Variants in PDGFC observed in about 807,000 individuals in gnomAD.
PDGFC encodes platelet-derived growth factor C.
A neutral mutation model predicts 35.5 loss-of-function variants in PDGFC; 12 were observed. That is an observed-to-expected ratio of 0.34 (90% CI 0.22 to 0.55). PDGFC has a LOEUF of 0.55. Ranked by LOEUF, PDGFC falls within the 20% of genes least tolerant of loss-of-function variation. The probability of loss-of-function intolerance (pLI) is 0.91; values close to 1 mark genes in which losing one functional copy is unlikely to be tolerated. For synonymous variants in PDGFC, 159 were observed against 148.8 expected (o/e 1.07, Z -0.50); for missense variants, 322 against 412.4 (o/e 0.78, Z 1.90).
At chr4:156,849,074 G>A (rs1421368479) in intron 2 of PDGFC, among the ~76,000 whole-genome samples, 1 of 151,960 alleles carries the variant, frequency 6.6e-6, no homozygotes, top group Non-Finnish European at 1.5e-5. Flanking sequence ...TATAAAAAAA[G>A]ACAAGAGGTG....
chr4:156,925,857 C>G (rs1224997877), intron 1 of PDGFC, among the ~76,000 whole-genome samples: 2 of 151,266 alleles, frequency 1.3e-5, no homozygotes, highest in Non-Finnish European at 1.5e-5. Context: ...TTGAGACCAG[C>G]CTGGGCAACA....
intron 5 of PDGFC, 97 bp downstream of exon 5, chr4:156,767,676 A>T: frequency 1.3e-6 from 1 of 742,920 alleles, no homozygotes; most frequent in Non-Finnish European, 2.3e-6. Context: ...CATGAATACT[A>T]CGTCTTTTTT....
At chr4:156,827,114 T>C (rs1728783585) in intron 2 of PDGFC, among the ~76,000 whole-genome samples, 1 of 152,152 alleles carries the variant, frequency 6.6e-6, no homozygotes, top group African/African-American at 2.4e-5. Flanking sequence ...TATTCAAAAT[T>C]TGCCTTTAGT....
At chr4:156,780,833 C>T (rs1347016265) in intron 3 of PDGFC, among the ~76,000 whole-genome samples, 5 of 152,118 alleles carry the variant, frequency 3.3e-5, no homozygotes, top group Non-Finnish European at 5.9e-5. Context: ...TGGCTGAATC[C>T]AATGGTCTGT....
At chr4:156,848,416 CAA>C (rs1729376102) in intron 2 of PDGFC, among the ~76,000 whole-genome samples, 1 of 151,848 alleles carries the variant, frequency 6.6e-6, no homozygotes, top group African/African-American at 2.4e-5. Flanking sequence ...CAGAAAGTCT[CAA>C]AGTTTTATTG....
chr4:156,876,753 TG>T (rs908026669), intron 1 of PDGFC: 28 of 152,174 alleles, frequency 1.8e-4, no homozygotes, highest in African/African-American at 6.5e-4. Flanking sequence ...ATCTTAAAAC[TG>T]TATGTTATTT....
At chr4:156,825,742 T>C in intron 2 of PDGFC, among the ~76,000 whole-genome samples, 1 of 151,906 alleles carries the variant, frequency 6.6e-6, no homozygotes, top group South Asian at 2.1e-4. Flanking sequence ...GAAGGGACCC[T>C]ATAGGCTGCT....
At chr4:156,812,753 T>C (rs913384951) in intron 2 of PDGFC, among the ~76,000 whole-genome samples, 1 of 152,010 alleles carries the variant, frequency 6.6e-6, no homozygotes, top group Non-Finnish European at 1.5e-5. Context: ...GCTACCTAAC[T>C]CAGAGACATT....
chr4:156,917,173 C>G (rs1303524956), intron 1 of PDGFC, among the ~76,000 whole-genome samples: 1 of 152,162 alleles, frequency 6.6e-6, no homozygotes, highest in Non-Finnish European at 1.5e-5. Flanking sequence ...TGACAGATGG[C>G]CTTCAAGATC....
chr4:156,910,663 T>G (rs183497881), intron 1 of PDGFC, among the ~76,000 whole-genome samples: 1 of 152,260 alleles, frequency 6.6e-6, no homozygotes, highest in African/African-American at 2.4e-5. Flanking sequence ...ACCAGTGACA[T>G]ATGGGAGATC....
chr4:156,825,587 T>TAAGAAGAGGAAG (rs1390899557), intron 2 of PDGFC, among the ~76,000 whole-genome samples: 1 of 87,220 alleles, frequency 1.1e-5, no homozygotes, highest in Non-Finnish European at 2.0e-5. Flanking sequence ...ATAATAATAA[T>TAAGAAGAGGAAG]AATAATAAGA....
At chr4:156,951,658 T>A (rs2110939423) in intron 1 of PDGFC, among the ~76,000 whole-genome samples, 1 of 151,304 alleles carries the variant, frequency 6.6e-6, no homozygotes, top group Non-Finnish European at 1.5e-5. Flanking sequence ...AATTTTGTGA[T>A]ACTATTCTGG....
At chr4:156,902,566 C>T (rs115884125) in intron 1 of PDGFC, among the ~76,000 whole-genome samples, 2,492 of 152,310 alleles carry the variant, frequency 0.016, 75 homozygotes, top group African/African-American at 0.057. Context: ...ATAAGAATCA[C>T]ATGCAATTAA....
chr4:156,869,025 A>G (rs1729914092), intron 1 of PDGFC, among the ~76,000 whole-genome samples: 1 of 152,232 alleles, frequency 6.6e-6, no homozygotes, highest in African/African-American at 2.4e-5. Flanking sequence ...ATTAGTTTCT[A>G]ATTTCAATTA....
chr4:156,783,842 C>G (rs937030831), intron 3 of PDGFC, among the ~76,000 whole-genome samples: 1 of 152,020 alleles, frequency 6.6e-6, no homozygotes, highest in African/African-American at 2.4e-5. Flanking sequence ...TTGAGGAAAA[C>G]AAATGAAAAG....
chr4:156,912,461 T>C (rs1731060479), intron 1 of PDGFC, among the ~76,000 whole-genome samples: 1 of 152,170 alleles, frequency 6.6e-6, no homozygotes, highest in African/African-American at 2.4e-5. Context: ...TTAGAAAACT[T>C]CCCTGACTGC....
chr4:156,890,910 T>C (rs1400274193), intron 1 of PDGFC, among the ~76,000 whole-genome samples: 6 of 152,184 alleles, frequency 3.9e-5, no homozygotes, highest in Non-Finnish European at 5.9e-5. Context: ...TTTGGTAATA[T>C]GTGTATATGT....
At chr4:156,920,684 CACACACAT>C (rs1295609099) in intron 1 of PDGFC, among the ~76,000 whole-genome samples, 3 of 146,216 alleles carry the variant, frequency 2.1e-5, no homozygotes, top group African/African-American at 8.3e-5. Context: ...CACACACACA[CACACACAT>C]ATACACACAC....
At chr4:156,848,888 C>A (rs560027409) in intron 2 of PDGFC, among the ~76,000 whole-genome samples, 1 of 151,970 alleles carries the variant, frequency 6.6e-6, no homozygotes, top group East Asian at 1.9e-4. Context: ...GGAGAAAGCA[C>A]AAGAAAGTGC....
Sources: gnomAD v4.1 joint callset for allele counts (sites outside exome capture counted in the v4.1 genomes callset) on GRCh38, gnomAD v4.1.1 for gene constraint, MANE v1.5 for transcripts, NCBI Gene and HGNC (gene_info 2026-07-23, HGNC 2026-07-21) for gene names.